NSMAF: variants seen among roughly 807,000 people sequenced by gnomAD.
NSMAF encodes the protein neutral sphingomyelinase activation associated factor.
A neutral mutation model predicts 134.9 loss-of-function variants in NSMAF; 90 were observed. That is an observed-to-expected ratio of 0.67 (90% CI 0.56 to 0.79). The LOEUF (loss-of-function observed/expected upper bound fraction) is 0.79. Ranked by LOEUF, NSMAF falls within the 30% of genes least tolerant of loss-of-function variation. NSMAF has a pLI of 0.00. For missense variants in NSMAF, 1,010 were observed against 1,119.0 expected (o/e 0.90, Z 1.39); for synonymous variants, 358 against 389.6 (o/e 0.92, Z 0.96).
chr8:58,599,359 G>A lies in NSMAF; in HGVS notation c.1458C>T (p.Pro486=), dbSNP rs764532335. 14 of 1,613,390 alleles carry A rather than the reference G, an allele frequency of 8.7e-6. No individual in the cohort carries two copies. Among genetic ancestry groups the A allele is most frequent in the Middle Eastern group, 3.3e-4 (2 of 6,084 alleles). ...CTTTGCTCTTCTGGAGAAAGTCCTC[G>A]GGACCTATTAGATTAGACTCAATCG... ...DVELPPWASS[P]EDFLQKSKDA... is the part of the protein sequence containing the mutation. Residue 486 remains proline, a synonymous_variant, in exon 19 of 31, where the codon CCC becomes CCT. Transcript: ENST00000038176.
chr8:58,658,668 C>A (rs896716097), intron 1 of NSMAF, among the ~76,000 whole-genome samples: 1 of 152,196 alleles, frequency 6.6e-6, no homozygotes, highest in Non-Finnish European at 1.5e-5. Flanking sequence ...GATTCAGCCC[C>A]CCTTTCCTTT....
chr8:58,623,916 G>A, intron 6 of NSMAF, 136 bp from the exon 7 acceptor site: 1 of 651,212 alleles, frequency 1.5e-6, no homozygotes, highest in Non-Finnish European at 2.7e-6. Flanking sequence ...CCACTGGAAT[G>A]AGAGTTCTAG....
chr8:58,643,450 CCCTGTCATA>C (rs1452154464), intron 1 of NSMAF, among the ~76,000 whole-genome samples: 1 of 152,098 alleles, frequency 6.6e-6, no homozygotes, highest in African/African-American at 2.4e-5. Flanking sequence ...CCCACCTCTT[CCCTGTCATA>C]CCTCCCTGCC....
intron 2 of NSMAF, among the ~76,000 whole-genome samples, chr8:58,639,793 A>G (rs1339410827): frequency 6.6e-6 from 1 of 152,216 alleles, no homozygotes; most frequent in African/African-American, 2.4e-5. Context: ...ACATACACAC[A>G]ATGGAATATT....
intron 1 of NSMAF, among the ~76,000 whole-genome samples, chr8:58,651,270 T>A (rs1192250155): frequency 6.6e-6 from 1 of 152,226 alleles, no homozygotes; most frequent in African/African-American, 2.4e-5. Flanking sequence ...GGACTAAGTA[T>A]CATTTCTAGT....
intron 30 of NSMAF, 79 bp from the exon 31 acceptor site, chr8:58,584,279 T>C: frequency 3.0e-6 from 3 of 987,460 alleles, no homozygotes; most frequent in Non-Finnish European, 4.8e-6. Flanking sequence ...ATGCTTACTC[T>C]TGCTTTGCTA....
chr8:58,638,243 C>T (rs1441484245), intron 2 of NSMAF, among the ~76,000 whole-genome samples: 1 of 152,040 alleles, frequency 6.6e-6, no homozygotes, highest in Non-Finnish European at 1.5e-5. Flanking sequence ...TGGGGTCTTG[C>T]TAGGTTGCTC....
intron 1 of NSMAF, chr8:58,659,228 G>A (rs962114945): frequency 2.0e-6 from 3 of 1,482,002 alleles, no homozygotes; most frequent in Admixed American, 4.6e-5. Context: ...CGCGTGCCGG[G>A]ATCCACGCCC....
chr8:58,635,397 A>G, intron 3 of NSMAF, 25 bp from the exon 4 acceptor site: 3 of 1,581,658 alleles, frequency 1.9e-6, no homozygotes, highest in Non-Finnish European at 2.6e-6. Flanking sequence ...GAGAAATATT[A>G]TAAAAATCAA....
intron 2 of NSMAF, among the ~76,000 whole-genome samples, chr8:58,636,567 T>C (rs1478057571): frequency 6.6e-6 from 1 of 152,178 alleles, no homozygotes; most frequent in Non-Finnish European, 1.5e-5. Flanking sequence ...AAAATTACTA[T>C]CTAGATCAAG....
At position 58,615,019 on chromosome 8, in the gene NSMAF, A is replaced by G. The variant is rs377066064; in HGVS notation, c.558-5286T>C. On this transcript the variant is annotated intron_variant, in intron 9 of 30. Transcript: ENST00000038176. ...AGGGCAAAAAAAGATGTATCATGCA[A>G]TCACAACACATAAGAAAACTGATGT... 2.3e-4 allele frequency among the ~76,000 whole-genome samples: 35 copies of G among 152,312 alleles called. 1 individual carries two copies. The East Asian group carries it at 6.2e-3, about 27-fold the overall frequency.
At chr8:58,591,622 G>A (rs1245348574) in intron 23 of NSMAF, among the ~76,000 whole-genome samples, 1 of 151,564 alleles carries the variant, frequency 6.6e-6, no homozygotes, top group Admixed American at 6.6e-5. Flanking sequence ...GAATAGCTGG[G>A]ATTTTTTGAC....
Position 58,589,442 on chromosome 8 carries a change from A to G in NSMAF, c.2211+10T>C, listed in dbSNP as rs1585724547. Reference sequence around the variant, plus strand: ...CCAAGTTAAAAAAACTTTTTAAATTATATATGAACCTTCACTGTAGAGTCC... The same window carrying G: ...CCAAGTTAAAAAAACTTTTTAAATTGTATATGAACCTTCACTGTAGAGTCC... On this transcript the variant is annotated intron_variant, in intron 26 of 30. Transcript: ENST00000038176. 6.2e-6 allele frequency: 9 copies of G among 1,448,916 alleles called. 1 individual carries two copies. In the East Asian group the frequency reaches 2.1e-4, roughly 35 times the overall value. 89.8% of individuals were successfully genotyped at this position (1,448,916 alleles called of 1,614,324 possible). A position where few individuals can be genotyped will look rare whatever the true frequency, so the allele number is the denominator to read the frequency against.
At chr8:58,623,918 G>C (rs1806852430) in intron 6 of NSMAF, 138 bp from the exon 7 acceptor site, 4 of 644,390 alleles carry the variant, frequency 6.2e-6, no homozygotes, top group Non-Finnish European at 8.3e-6. Flanking sequence ...ACTGGAATGA[G>C]AGTTCTAGGG....
At chr8:58,651,969 A>G (rs1807594760) in intron 1 of NSMAF, among the ~76,000 whole-genome samples, 1 of 152,236 alleles carries the variant, frequency 6.6e-6, no homozygotes, top group African/African-American at 2.4e-5. Flanking sequence ...GAATCAGTCT[A>G]AACTTCAAGG....
At chr8:58,639,746 A>G (rs1035627235) in intron 2 of NSMAF, among the ~76,000 whole-genome samples, 1 of 152,186 alleles carries the variant, frequency 6.6e-6, no homozygotes, top group African/African-American at 2.4e-5. Context: ...AATATGATAT[A>G]TATATGAATA....
intron 14 of NSMAF, 132 bp from the exon 15 acceptor site, chr8:58,601,667 A>C (rs905446082): frequency 1.5e-6 from 2 of 1,304,608 alleles, no homozygotes; most frequent in African/African-American, 1.5e-5. Flanking sequence ...TAGATAAGAA[A>C]AGGAGAAGAT....
intron 1 of NSMAF, 29 bp from the exon 2 acceptor site, chr8:58,643,102 A>C: frequency 2.6e-6 from 4 of 1,549,558 alleles, no homozygotes; most frequent in Non-Finnish European, 3.6e-6. Flanking sequence ...AACAACTTTC[A>C]GTTTATTTTT....
intron 11 of NSMAF, among the ~76,000 whole-genome samples, chr8:58,606,560 C>T (rs958980056): frequency 4.6e-5 from 7 of 152,074 alleles, no homozygotes; most frequent in South Asian, 2.1e-4. Context: ...AGGCTACAGG[C>T]GCACCATGCC....
Sources: gnomAD v4.1 joint callset for allele counts (sites outside exome capture counted in the v4.1 genomes callset) on GRCh38, gnomAD v4.1.1 for gene constraint, MANE v1.5 for transcripts, NCBI Gene and HGNC (gene_info 2026-07-23, HGNC 2026-07-21) for gene names.